KBTBD6: variants seen among roughly 807,000 people sequenced by gnomAD.
KBTBD6 encodes the protein kelch repeat and BTB domain-containing protein 6.
Under a neutral mutation model 34.4 loss-of-function variants are expected in KBTBD6, and 6 were observed. That is an observed-to-expected ratio of 0.17 (90% CI 0.10 to 0.34). The LOEUF (loss-of-function observed/expected upper bound fraction) is 0.34. Ranked by LOEUF, KBTBD6 falls within the 10% of genes least tolerant of loss-of-function variation. KBTBD6 has a pLI of 1.00. For synonymous variants in KBTBD6, 288 were observed against 327.2 expected, an observed-to-expected ratio of 0.88 and a Z score of 1.29; for missense variants, 557 against 856.0, an observed-to-expected ratio of 0.65 and a Z score of 4.36.
At position 41,128,089 on chromosome 13, in the gene KBTBD6, G is replaced by T. The variant is rs1366810554; in HGVS notation, c.*2398C>A. Reference sequence around the variant, plus strand: ...CAGTCAAATGGCTAAAAAAACCATTGTTTTTTTGTTATAACTCTTTGTGTC... The same window carrying T: ...CAGTCAAATGGCTAAAAAAACCATTTTTTTTTTGTTATAACTCTTTGTGTC... On this transcript the variant is annotated 3_prime_UTR_variant, in exon 1 of 1. Coordinates refer to ENST00000379485, the MANE Select transcript of KBTBD6 (RefSeq NM_152903.5). The T allele has an allele frequency of 6.5e-6, 1 of 153,588 alleles. No individual in the cohort carries two copies. Among genetic ancestry groups the T allele is most frequent in the African/African-American group, 2.4e-5 (1 of 41,518 alleles). 9.5% of individuals were successfully genotyped at this position (153,588 alleles called of 1,614,324 possible). A position where few individuals can be genotyped will look rare whatever the true frequency, so the allele number is the denominator to read the frequency against.
rs1281407382 is a variant in KBTBD6, at chr13:41,130,788, G to A, written c.1724C>T (p.Thr575Ile). Residue 575 changes from threonine to isoleucine, a missense_variant, in exon 1 of 1, where the codon ACC (threonine) becomes ATC (isoleucine). By Grantham distance (89) the Thr-to-Ile change is moderately conservative. Transcript: ENST00000379485. The surrounding 1 kb of genome is among the most constrained non-coding windows in gnomAD (Gnocchi z 4.8). The stretch of plus-strand genomic sequence containing the variant: ...CACCCGGTTCTTTTTCCACTGTGGG[G>A]TGCGAGAGGTGATGAGCAACAATTT... ...GQKLLLITSR[T>I]PQWKKNRVTV... The A allele has an allele frequency of 6.2e-7, 1 of 1,614,182 alleles. No homozygotes were observed. Among genetic ancestry groups the A allele is most frequent in the African/African-American group, 1.3e-5 (1 of 75,018 alleles).
Position 41,132,103 on chromosome 13 carries a change from T to C in KBTBD6, c.409A>G (p.Ser137Gly). The C allele has an allele frequency of 1.2e-6, 2 of 1,614,224 alleles. No homozygotes were observed. The highest frequency in any genetic ancestry group is 1.7e-6 in the Non-Finnish European group (2 of 1,180,044). ...DYCYTGRVSL[S>G]EANVERLYAA... ...TACAGGCGCTCCACGTTGGCCTCACTGAGAGACACACGACCCGTGTAGCAG... is the reference window on the plus strand; with the variant it reads ...TACAGGCGCTCCACGTTGGCCTCACCGAGAGACACACGACCCGTGTAGCAG... The change falls in exon 1 of 1, where the codon AGT becomes GGT. Residue 137 changes from serine (S) to glycine (G), a missense_variant. Physicochemically the swap from Ser to Gly is moderately conservative, Grantham distance 56. Coordinates refer to ENST00000379485, the MANE Select transcript of KBTBD6 (RefSeq NM_152903.5).
rs1438129736 is a variant in KBTBD6, at chr13:41,128,910, C to T, written c.*1577G>A. ...TCCTGGGCTGAAGCAATCCTCCCAC[C>T]TCAGCCCCGAGTTGCTAGGATTACA... On this transcript the variant is annotated 3_prime_UTR_variant, in exon 1 of 1. Coordinates refer to ENST00000379485, the MANE Select transcript of KBTBD6 (RefSeq NM_152903.5). 5.8e-6 allele frequency: 1 copy of T among 171,940 alleles called. No homozygotes were observed. Among genetic ancestry groups the T allele is most frequent in the Non-Finnish European group, 1.2e-5 (1 of 81,094 alleles). The allele number at this position is 171,940 out of a possible 1,614,324, so 10.7% of individuals were successfully genotyped here. A position where few individuals can be genotyped will look rare whatever the true frequency, so the allele number is the denominator to read the frequency against.
rs2030015905 is a variant in KBTBD6 at position 41,127,638 on chromosome 13, T to C, written c.*2849A>G. 1 of 152,258 alleles carries C rather than the reference T, an allele frequency of 6.6e-6. No individual in the cohort carries two copies. The highest frequency in any genetic ancestry group is 6.5e-5 in the Admixed American group (1 of 15,286). 9.4% of individuals were successfully genotyped at this position (152,258 alleles called of 1,614,324 possible). On this transcript the variant is annotated 3_prime_UTR_variant, in exon 1 of 1. Coordinates refer to ENST00000379485, the MANE Select transcript of KBTBD6 (RefSeq NM_152903.5). ...TTTCTACAAAATAATGGTTAACATC[T>C]ATTCCTTAATTCACAGAAATATCAC...
Position 41,129,638 on chromosome 13 carries a change from T to C in KBTBD6, c.*849A>G, listed in dbSNP as rs1056653471. On this transcript the variant is annotated 3_prime_UTR_variant, in exon 1 of 1. Transcript: ENST00000379485. ...CCACTCAGTCACCCTAATACACATA[T>C]GGTTTTTTTTCTTTTTTTTTTTTCC... The C allele has an allele frequency of 1.3e-5, 2 of 150,148 alleles. No homozygotes were observed. Among genetic ancestry groups the C allele is most frequent in the African/African-American group, 4.9e-5 (2 of 40,974 alleles). The allele number at this position is 150,148 out of a possible 1,614,324, so 9.3% of individuals were successfully genotyped here.
Position 41,129,663 on chromosome 13 carries a change from C to CTTT in KBTBD6, c.*821_*823dup, listed in dbSNP as rs4053821. On this transcript the variant is annotated 3_prime_UTR_variant, in exon 1 of 1. Coordinates refer to ENST00000379485, the MANE Select transcript of KBTBD6 (RefSeq NM_152903.5). ...TGGTTTTTTTTCTTTTTTTTTTTTCCTTTTTTTTTTTTTTTTTTTTTTGAG... is the reference window on the plus strand; with the variant it reads ...TGGTTTTTTTTCTTTTTTTTTTTTCCTTTTTTTTTTTTTTTTTTTTTTTTTGAG... The CTTT allele has an allele frequency of 1.1e-5, 1 of 87,334 alleles. No homozygotes were observed. Among genetic ancestry groups the CTTT allele is most frequent in the African/African-American group, 4.6e-5 (1 of 21,822 alleles). The allele number at this position is 87,334 out of a possible 1,614,324, so 5.4% of individuals were successfully genotyped here. A position where few individuals can be genotyped will look rare whatever the true frequency, so the allele number is the denominator to read the frequency against.
chr13:41,132,456 C>G lies in KBTBD6; in HGVS notation c.56G>C (p.Gly19Ala), dbSNP rs1219152328. The G allele has an allele frequency of 6.2e-7, 1 of 1,614,236 alleles. No homozygotes were observed. Among genetic ancestry groups the G allele is most frequent in the East Asian group, 2.2e-5 (1 of 44,884 alleles). The change falls in exon 1 of 1, where the codon GGG becomes GCG. Residue 19 changes from glycine to alanine, a missense_variant. This residue lies in a region of KBTBD6 where 40 missense variants were observed against 39.9 expected (regional missense o/e 1.00). Transcript: ENST00000379485. ...TTTGTGAATCTTCTTGGGCCGCTTC[C>G]CACCACGGGGACTGGCTAGGCGGCG... ...RSRRLASPRG[G>A]KRPKKIHKPT...
Position 41,130,646 on chromosome 13 carries a change from G to A in KBTBD6, c.1866C>T (p.Cys622=), listed in dbSNP as rs2030071529. 1.2e-6 allele frequency: 2 copies of A among 1,614,062 alleles called. No homozygotes were observed. Among genetic ancestry groups the A allele is most frequent in the South Asian group, 1.1e-5 (1 of 91,088 alleles). The change falls in exon 1 of 1, where the codon TGC becomes TGT. Residue 622 remains cysteine (C), a synonymous_variant. Transcript: ENST00000379485. This position sits in a 1 kb window ranked among gnomAD's most constrained non-coding sequence, Gnocchi z 4.8. ...FCLSARVYPS[C]LEPGQSFLTE... is the part of the protein sequence containing the mutation. ...TGAGGAAACTCTGACCAGGTTCAAG[G>A]CAGGAAGGATAAACACGAGCAGAGA...
In KBTBD6 at chr13:41,131,605, A is replaced by G. The variant is rs769265286; in HGVS notation, c.907T>C (p.Tyr303His). ...DVIEGALQMR[Y>H]GDLLYKSLVP... ...AGAGACTTGTACAACAGGTCACCAT[A>G]GCGCATCTGCAGGGCCCCTTCAATA... Residue 303 changes from tyrosine (Y) to histidine (H), a missense_variant, in exon 1 of 1, where the codon TAT becomes CAT. Physicochemically the swap from Tyr to His is moderately conservative, Grantham distance 83. This residue lies in a region of KBTBD6 where 309 missense variants were observed against 504.5 expected (regional missense o/e 0.61). Coordinates refer to ENST00000379485, the MANE Select transcript of KBTBD6 (RefSeq NM_152903.5). This position sits in a 1 kb window ranked among gnomAD's most constrained non-coding sequence, Gnocchi z 5.8. The G allele has an allele frequency of 3.1e-6, 5 of 1,613,576 alleles. No individual in the cohort carries two copies. Among genetic ancestry groups the G allele is most frequent in the Non-Finnish European group, 4.2e-6 (5 of 1,179,576 alleles).
chr13:41,132,566 G>T lies in KBTBD6; in HGVS notation c.-55C>A, dbSNP rs2030129523. 2 of 1,571,216 alleles carry T rather than the reference G, an allele frequency of 1.3e-6. No homozygotes were observed. The highest frequency in any genetic ancestry group is 3.5e-5 in the Admixed American group (2 of 57,122). On this transcript the variant is annotated 5_prime_UTR_variant, in exon 1 of 1. Transcript: ENST00000379485. ...AGAAACGCTGCAGGACCCGGCTCTG[G>T]CTCCTCCTCAACCTTCCCTCGCTGA...
rs748881545 is a variant in KBTBD6, at chr13:41,130,565, G to A, written c.1947C>T (p.Phe649=). ...TTCCTGACTCAGAGTCTGGCTCACT[G>A]AATCCACCTAAGTCCCATTCAGTGC... ...ESSTEWDLGG[F]SEPDSESGSS... is the part of the protein sequence containing the mutation. The change falls in exon 1 of 1, where the codon TTC becomes TTT. Residue 649 remains phenylalanine, a synonymous_variant. Coordinates refer to ENST00000379485, the MANE Select transcript of KBTBD6 (RefSeq NM_152903.5). This position sits in a 1 kb window ranked among gnomAD's most constrained non-coding sequence, Gnocchi z 4.8. The A allele has an allele frequency of 1.2e-6, 2 of 1,614,042 alleles. No individual in the cohort carries two copies. The highest frequency in any genetic ancestry group is 2.7e-5 in the African/African-American group (2 of 74,904).
In KBTBD6 at chr13:41,129,060, C is replaced by G. The variant is rs546701843; in HGVS notation, c.*1427G>C. On this transcript the variant is annotated 3_prime_UTR_variant, in exon 1 of 1. Coordinates refer to ENST00000379485, the MANE Select transcript of KBTBD6 (RefSeq NM_152903.5). ...TATTTCCATGCTACACAAAACAGTT[C>G]TATACACAGCTTTACAGTTTTAAAG... is the stretch of plus-strand genomic sequence containing the variant. 2 of 152,760 alleles carry G rather than the reference C, an allele frequency of 1.3e-5. No individual in the cohort carries two copies. The highest frequency in any genetic ancestry group is 4.8e-5 in the African/African-American group (2 of 41,568). The allele number at this position is 152,760 out of a possible 1,614,324, so 9.5% of individuals were successfully genotyped here.
In KBTBD6 at chr13:41,132,332, C is replaced by T; in HGVS notation, c.180G>A (p.Arg60=). Residue 60 remains arginine, a synonymous_variant, in exon 1 of 1, where the codon CGG becomes CGA. Coordinates refer to ENST00000379485, the MANE Select transcript of KBTBD6 (RefSeq NM_152903.5). ...LAQLKSFYDA[R]LLCDVTIEVV... is the part of the protein sequence containing the mutation. ...CCTCGATGGTCACATCACACAGCAG[C>T]CGCGCATCGTAGAAGGACTTGAGCT... 1 of 1,614,256 alleles carries T rather than the reference C, an allele frequency of 6.2e-7. No homozygotes were observed. The highest frequency in any genetic ancestry group is 8.5e-7 in the Non-Finnish European group (1 of 1,180,054).
In KBTBD6 at chr13:41,131,690, A is replaced by T. The variant is rs2030099958; in HGVS notation, c.822T>A (p.Asp274Glu). The T allele has an allele frequency of 3.7e-6, 6 of 1,614,006 alleles. No individual in the cohort carries two copies. In the South Asian group the frequency reaches 6.6e-5, roughly 18 times the overall value. The change falls in exon 1 of 1, where the codon GAT (aspartate) becomes GAA (glutamate). Residue 274 changes from aspartate (D) to glutamate (E), a missense_variant. By Grantham distance (45) the Asp-to-Glu change is conservative (BLOSUM62 2). Coordinates refer to ENST00000379485, the MANE Select transcript of KBTBD6 (RefSeq NM_152903.5). The surrounding 1 kb of genome is among the most constrained non-coding windows in gnomAD (Gnocchi z 5.8). ...TCAGCAGCCCTTCTAAGTAGTCCTG[A>T]TCTTCTTCAGTGAAGTGCATCCAGC... is the stretch of plus-strand genomic sequence containing the variant. Reference protein sequence around the residue: ...CVRWMHFTEEDQDYLEGLLTK... With the variant: ...CVRWMHFTEEEQDYLEGLLTK...
At position 41,130,496 on chromosome 13, in the gene KBTBD6, C is replaced by G. The variant is rs747622286; in HGVS notation, c.2016G>C (p.Ala672=). The G allele has an allele frequency of 6.2e-7, 1 of 1,611,684 alleles. No homozygotes were observed. Residue 672 remains alanine (A), a synonymous_variant, in exon 1 of 1, where the codon GCG becomes GCC. Coordinates refer to ENST00000379485, the MANE Select transcript of KBTBD6 (RefSeq NM_152903.5). The surrounding 1 kb of genome is among the most constrained non-coding windows in gnomAD (Gnocchi z 4.8). ...GTTGATCCTGTGCATTTCACTGAGG[C>G]GCTACACGCACCCAAAAATCATCAT... ...LSDDDFWVRV[A]PQ
rs1214621380 is a variant in KBTBD6 at position 41,132,222 on chromosome 13, T to C, written c.290A>G (p.Lys97Arg). The change falls in exon 1 of 1, where the codon AAG becomes AGG. Residue 97 changes from lysine to arginine, a missense_variant. Physicochemically the swap from Lys to Arg is conservative, Grantham distance 26. Around this residue, in one of 4 missense-constraint regions of KBTBD6, gnomAD observed 108 missense variants for 209.6 expected, o/e 0.52. Coordinates refer to ENST00000379485, the MANE Select transcript of KBTBD6 (RefSeq NM_152903.5). ...NVLAAACPYF[K>R]SMFTGGMYES... ...GTACATGCCACCTGTGAACATGCTCTTGAAGTAGGGACATGCCGCGGCCAG... is the reference window on the plus strand; with the variant it reads ...GTACATGCCACCTGTGAACATGCTCCTGAAGTAGGGACATGCCGCGGCCAG... The C allele has an allele frequency of 1.9e-6, 3 of 1,614,112 alleles. No individual in the cohort carries two copies. The highest frequency in any genetic ancestry group is 1.3e-5 in the African/African-American group (1 of 74,936).
rs774896231 is a variant in KBTBD6 at position 41,131,933 on chromosome 13, C to T, written c.579G>A (p.Gln193=). ...FGHRKLRSQA[Q]SYIAQNFKQL... The stretch of plus-strand genomic sequence containing the variant: ...GCTTGAAGTTCTGAGCTATATAGGA[C>T]TGGGCCTGGGATCGCAGCTTGCGAT... Residue 193 remains glutamine (Q), a synonymous_variant, in exon 1 of 1, where the codon CAG becomes CAA. Coordinates refer to ENST00000379485, the MANE Select transcript of KBTBD6 (RefSeq NM_152903.5). This position sits in a 1 kb window ranked among gnomAD's most constrained non-coding sequence, Gnocchi z 5.8. 3.1e-6 allele frequency: 5 copies of T among 1,614,158 alleles called. No individual in the cohort carries two copies. The highest frequency in any genetic ancestry group is 4.2e-6 in the Non-Finnish European group (5 of 1,180,062).
chr13:41,132,620 C>A lies in KBTBD6; in HGVS notation c.-109G>T. 1 of 1,296,904 alleles carries A rather than the reference C, an allele frequency of 7.7e-7. No individual in the cohort carries two copies. The highest frequency in any genetic ancestry group is 2.3e-5 in the Admixed American group (1 of 43,198). 80.3% of individuals were successfully genotyped at this position (1,296,904 alleles called of 1,614,324 possible). A position where few individuals can be genotyped will look rare whatever the true frequency, so the allele number is the denominator to read the frequency against. Reference sequence around the variant, plus strand: ...TAAGATAGCAGCGTCTCCGAAGAGACAGCAGCACGAGCCCATTTACTGAAT... The same window carrying A: ...TAAGATAGCAGCGTCTCCGAAGAGAAAGCAGCACGAGCCCATTTACTGAAT... On this transcript the variant is annotated 5_prime_UTR_variant, in exon 1 of 1. Coordinates refer to ENST00000379485, the MANE Select transcript of KBTBD6 (RefSeq NM_152903.5).
rs2030132986 is a variant in KBTBD6 at position 41,132,667 on chromosome 13, G to A, written c.-156C>T. ...GAATTCAACCCTACCCCGCAGAACC[G>A]CCTCCCGTTATCGTTTAGACAGTGG... is the stretch of plus-strand genomic sequence containing the variant. On this transcript the variant is annotated 5_prime_UTR_variant, in exon 1 of 1. Coordinates refer to ENST00000379485, the MANE Select transcript of KBTBD6 (RefSeq NM_152903.5). The A allele has an allele frequency of 1.2e-6, 1 of 806,908 alleles. No individual in the cohort carries two copies. 50.0% of individuals were successfully genotyped at this position (806,908 alleles called of 1,614,324 possible). A position where few individuals can be genotyped will look rare whatever the true frequency, so the allele number is the denominator to read the frequency against.
Sources: gnomAD v4.1 joint callset for allele counts on GRCh38, gnomAD v4.1.1 for gene constraint, gnomAD v4.1.1 regional missense constraint, Gnocchi (gnomAD v3.1) non-coding constraint, MANE v1.5 for transcripts, NCBI Gene and HGNC (gene_info 2026-07-23, HGNC 2026-07-21) for gene names.